CNGB3: variants seen among roughly 807,000 people sequenced by gnomAD.
The protein encoded by CNGB3 is cyclic nucleotide gated channel subunit beta 3.
A neutral mutation model predicts 92.8 loss-of-function variants in CNGB3; 86 were observed. The ratio of observed to expected loss-of-function variants is 0.93; its 90% CI spans 0.78 to 1.11. CNGB3 has a LOEUF of 1.11. Among genes scored for constraint, CNGB3 ranks in the 50% least tolerant of loss-of-function variants. The pLI is 0.00. For missense variants in CNGB3, 1,026 were observed against 956.8 expected, an observed-to-expected ratio of 1.07 and a Z score of -0.95; for synonymous variants, 333 against 332.7, an observed-to-expected ratio of 1.00 and a Z score of -0.01.
At chr8:86,734,727 C>T (rs1295850086) in intron 2 of CNGB3, among the ~76,000 whole-genome samples, 1 of 152,186 alleles carries the variant, frequency 6.6e-6, no homozygotes, top group Non-Finnish European at 1.5e-5. Context: ...CCTGGCAGAA[C>T]TTGACCTTCA....
chr8:86,631,687 A>G (rs1449645967), intron 11 of CNGB3, among the ~76,000 whole-genome samples: 2 of 152,176 alleles, frequency 1.3e-5, no homozygotes, highest in African/African-American at 4.8e-5. Context: ...ATGATATTTT[A>G]TACTTAACAA....
intron 15 of CNGB3, among the ~76,000 whole-genome samples, chr8:86,597,223 G>T (rs2131552846): frequency 6.6e-6 from 1 of 152,244 alleles, no homozygotes; most frequent in South Asian, 2.1e-4. Context: ...TTGGCTAGAA[G>T]AATGCCTCCT....
At chr8:86,583,452 A>G (rs1157113917) in intron 15 of CNGB3, among the ~76,000 whole-genome samples, 1 of 152,204 alleles carries the variant, frequency 6.6e-6, no homozygotes, top group Non-Finnish European at 1.5e-5. Context: ...AAAAATAAGT[A>G]TAATTATTAT....
At chr8:86,663,376 G>T (rs979211405) in intron 6 of CNGB3, among the ~76,000 whole-genome samples, 1 of 152,136 alleles carries the variant, frequency 6.6e-6, no homozygotes, top group Non-Finnish European at 1.5e-5. Flanking sequence ...GTTTGACTGC[G>T]TTTCAAAATT....
At chr8:86,638,827 G>T (rs888062821) in intron 10 of CNGB3, among the ~76,000 whole-genome samples, 1 of 151,034 alleles carries the variant, frequency 6.6e-6, no homozygotes, top group Non-Finnish European at 1.5e-5. Flanking sequence ...CTTTGCTCTG[G>T]GTTTTTTTTT....
At chr8:86,659,902 TAG>T in intron 6 of CNGB3, 1 of 403,170 alleles carries the variant, frequency 2.5e-6, no homozygotes, top group Non-Finnish European at 4.9e-6. Flanking sequence ...ACAAAGGATG[TAG>T]ACTCAGAGGC....
At chr8:86,613,907 T>C (rs1217079143) in intron 13 of CNGB3, among the ~76,000 whole-genome samples, 12 of 147,750 alleles carry the variant, frequency 8.1e-5, no homozygotes, top group South Asian at 2.1e-4. Context: ...TATATGTATA[T>C]ATAATATGTA....
At chr8:86,702,460 T>C (rs28542956) in intron 3 of CNGB3, among the ~76,000 whole-genome samples, 7,219 of 152,292 alleles carry the variant, frequency 0.047, 250 homozygotes, top group African/African-American at 0.1. Flanking sequence ...GAAGATTTTA[T>C]ACATTTGAGA....
intron 13 of CNGB3, among the ~76,000 whole-genome samples, chr8:86,613,276 A>G (rs60358879): frequency 0.026 from 3,895 of 152,334 alleles, 99 homozygotes; most frequent in East Asian, 0.073. Flanking sequence ...TATTTGCTAA[A>G]GCAAATTACA....
At chr8:86,651,125 A>T (rs757444340) in intron 7 of CNGB3, among the ~76,000 whole-genome samples, 2 of 151,584 alleles carry the variant, frequency 1.3e-5, no homozygotes, top group African/African-American at 4.8e-5. Context: ...GCAAAGGCAT[A>T]CAGAGTGATA....
At chr8:86,658,693 G>A in intron 6 of CNGB3, 2 of 400,816 alleles carry the variant, frequency 5.0e-6, no homozygotes, top group Admixed American at 3.4e-5. Context: ...TTCTCGCTCG[G>A]CTCTTTCTTG....
intron 13 of CNGB3, among the ~76,000 whole-genome samples, chr8:86,621,261 A>G (rs1585974386): frequency 6.6e-6 from 1 of 152,340 alleles, no homozygotes; most frequent in South Asian, 2.1e-4. Context: ...GTTTTATAAT[A>G]TTTTAAAACA....
chr8:86,654,978 C>G (rs1290857682), intron 6 of CNGB3, among the ~76,000 whole-genome samples: 1 of 152,126 alleles, frequency 6.6e-6, no homozygotes, highest in African/African-American at 2.4e-5. Flanking sequence ...TGCCCATTGT[C>G]CTCTTCACTT....
At chr8:86,739,814 T>G in intron 1 of CNGB3, 78 bp from the exon 2 acceptor site, 3 of 1,471,178 alleles carry the variant, frequency 2.0e-6, no homozygotes, top group Non-Finnish European at 2.8e-6. Context: ...AACACCATTT[T>G]CCACTTAATT....
intron 3 of CNGB3, among the ~76,000 whole-genome samples, chr8:86,717,158 G>A (rs1180988420): frequency 2.0e-5 from 3 of 151,972 alleles, no homozygotes; most frequent in Non-Finnish European, 4.4e-5. Context: ...TAGTCCAAGA[G>A]GAAAATACCA....
At chr8:86,698,760 A>G (rs1425103823) in intron 3 of CNGB3, among the ~76,000 whole-genome samples, 1 of 152,136 alleles carries the variant, frequency 6.6e-6, no homozygotes, top group Admixed American at 6.5e-5. Context: ...AACGTGAGAG[A>G]GGTGAAGGTT....
At chr8:86,648,895 T>G (rs1279860490) in intron 7 of CNGB3, among the ~76,000 whole-genome samples, 2 of 151,344 alleles carry the variant, frequency 1.3e-5, no homozygotes, top group Non-Finnish European at 3.0e-5. Context: ...GATCGTATCC[T>G]AGAAAACACA....
Position 86,671,113 on chromosome 8 carries a change from A to T in CNGB3, c.339-15T>A. The T allele has an allele frequency of 6.2e-7, 1 of 1,612,994 alleles. No individual in the cohort carries two copies. The highest frequency in any genetic ancestry group is 1.1e-5 in the South Asian group (1 of 91,074). On this transcript the variant is annotated splice_polypyrimidine_tract_variant and intron_variant, in intron 3 of 17. Transcript: ENST00000320005. ...TGTTTTGTGGGCTAAATGAGAAAAA[A>T]AATGGCAATAGAGATGGGCCCATGA...
chr8:86,632,862 T>C lies in CNGB3; in HGVS notation c.1210A>G (p.Thr404Ala). Residue 404 changes from threonine (T) to alanine (A), a missense_variant, in exon 11 of 18, where the codon ACT becomes GCT. By Grantham distance (58) the Thr-to-Ala change is moderately conservative. Coordinates refer to ENST00000320005, the MANE Select transcript of CNGB3 (RefSeq NM_019098.5). Reference protein sequence around the residue: ...YLRCYYWAVRTLITIGGLPEP... With the variant: ...YLRCYYWAVRALITIGGLPEP... ...GGAAGGCCACCAATGGTAATTAAAG[T>C]TCGAACTGCCCAATAATAACATCTC... 2 of 1,612,750 alleles carry C rather than the reference T, an allele frequency of 1.2e-6. No homozygotes were observed. Among genetic ancestry groups the C allele is most frequent in the Non-Finnish European group, 1.7e-6 (2 of 1,179,830 alleles).
Sources: gnomAD v4.1 joint callset for allele counts (sites outside exome capture counted in the v4.1 genomes callset) on GRCh38, gnomAD v4.1.1 for gene constraint, MANE v1.5 for transcripts, NCBI Gene and HGNC (gene_info 2026-07-23, HGNC 2026-07-21) for gene names.